The following EIF2B3 variants were observed in gnomAD, a reference collection of about 807,000 sequenced individuals.
The protein encoded by EIF2B3 is translation initiation factor eIF2B subunit gamma.
EIF2B3 carries 20 observed loss-of-function variants against 54.1 expected under a neutral mutation model. That is an observed-to-expected ratio of 0.37 (90% confidence interval 0.26 to 0.54). EIF2B3 has a LOEUF of 0.54. EIF2B3 is among the 20% of genes least tolerant of loss of function. EIF2B3 has a pLI of 0.86. For synonymous variants in EIF2B3, 153 were observed against 188.1 expected, an observed-to-expected ratio of 0.81 and a Z score of 1.52; for missense variants, 448 against 547.8, an observed-to-expected ratio of 0.82 and a Z score of 1.82.
intron 5 of EIF2B3, among the ~76,000 whole-genome samples, chr1:44,900,028 TGC>T (rs1470395350): frequency 6.6e-6 from 1 of 152,196 alleles, no homozygotes; most frequent in Admixed American, 6.5e-5. Context: ...TCATGTCCTT[TGC>T]AGCAACATGG....
At chr1:44,946,075 G>C (rs1246788683) in intron 3 of EIF2B3, among the ~76,000 whole-genome samples, 1 of 152,206 alleles carries the variant, frequency 6.6e-6, no homozygotes, top group Non-Finnish European at 1.5e-5. Flanking sequence ...ACAGGCTGTA[G>C]GCTCATTTCT....
rs998607931 is a variant in EIF2B3 at position 44,887,088 on chromosome 1, A to G, written c.657-5349T>C. On this transcript the variant is annotated intron_variant, in intron 6 of 11. Coordinates refer to ENST00000360403, the MANE Select transcript of EIF2B3 (RefSeq NM_020365.5). ...CTCTCTCTCAGATTTCAGAGCTCCA[A>G]GGATTTGTGTTTTGAGCTGTCCAAG... Among the ~76,000 whole-genome samples the G allele has an allele frequency of 1.8e-3, 267 of 152,266 alleles. 1 individual carries two copies. Among genetic ancestry groups the G allele is most frequent in the African/African-American group, 6.3e-3 (261 of 41,536 alleles).
At chr1:44,986,421 C>T (rs1462797530) in intron 1 of EIF2B3, 72 bp downstream of exon 1, 3 of 152,440 alleles carry the variant, frequency 2.0e-5, no homozygotes, top group Non-Finnish European at 2.9e-5. Flanking sequence ...CTCTCCTACC[C>T]CTTCGGGTCC....
chr1:44,914,552 A>T (rs1569707342), intron 5 of EIF2B3, among the ~76,000 whole-genome samples: 1 of 152,248 alleles, frequency 6.6e-6, no homozygotes, highest in Admixed American at 6.5e-5. Flanking sequence ...CTCAGCATAA[A>T]TGTTGTTTTT....
At position 44,880,641 on chromosome 1, in the gene EIF2B3, G is replaced by A. The variant is rs146557400; in HGVS notation, c.785-633C>T. On this transcript the variant is annotated intron_variant, in intron 7 of 11. Transcript: ENST00000360403. ...TTTTACTTTCTCATAAAAAAACTGG[G>A]GCTCAGAGGACTGAGTAACCTGCCT... Among the ~76,000 whole-genome samples the A allele has an allele frequency of 3.3e-5, 5 of 152,220 alleles. No homozygotes were observed. The East Asian group carries it at 9.6e-4, about 29-fold the overall frequency.
chr1:44,862,665 G>A lies in EIF2B3; in HGVS notation c.1203-4858C>T, dbSNP rs139407134. Among the ~76,000 whole-genome samples the A allele has an allele frequency of 6.4e-3, 977 of 152,202 alleles. 10 individuals carry two copies. The highest frequency in any genetic ancestry group is 8.4e-3 in the Non-Finnish European group (574 of 68,008). ...TTTTGAGATGGAGTCTCACACTGTC[G>A]CCCGGACTGGAGTGCAGTGGCGCGA... On this transcript the variant is annotated intron_variant, in intron 10 of 11. Coordinates refer to ENST00000360403, the MANE Select transcript of EIF2B3 (RefSeq NM_020365.5).
intron 3 of EIF2B3, among the ~76,000 whole-genome samples, chr1:44,955,819 T>C (rs1028991337): frequency 1.3e-5 from 2 of 152,204 alleles, no homozygotes; most frequent in Admixed American, 1.3e-4. Flanking sequence ...AGATACCATC[T>C]AATTTCAGTT....
Position 44,880,042 on chromosome 1 carries a change from G to C in EIF2B3, c.785-34C>G, listed in dbSNP as rs770699443. On this transcript the variant is annotated intron_variant, in intron 7 of 11. Transcript: ENST00000360403. ...CAAACACCCAACCAAGGAAATAAAT[G>C]AGAGAGAGATAACAGAACAGATACA... is the stretch of plus-strand genomic sequence containing the variant. The C allele has an allele frequency of 5.0e-6, 8 of 1,605,802 alleles. No homozygotes were observed. In the African/African-American group the frequency reaches 1.1e-4, roughly 21 times the overall value.
intron 5 of EIF2B3, among the ~76,000 whole-genome samples, chr1:44,909,920 G>C (rs1282453504): frequency 6.6e-6 from 1 of 152,204 alleles, no homozygotes; most frequent in Non-Finnish European, 1.5e-5. Flanking sequence ...CAGAAATACA[G>C]ATCTGGCCAT....
intron 3 of EIF2B3, among the ~76,000 whole-genome samples, chr1:44,944,494 C>CA (rs35092890): frequency 0.046 from 3,924 of 85,484 alleles, 149 homozygotes; most frequent in African/African-American, 0.13. Flanking sequence ...GATGCTGTCT[C>CA]AAAAAAAAAA....
At chr1:44,925,564 T>C (rs1643834675) in intron 5 of EIF2B3, among the ~76,000 whole-genome samples, 1 of 152,146 alleles carries the variant, frequency 6.6e-6, no homozygotes, top group African/African-American at 2.4e-5. Flanking sequence ...ATTTGCAAGA[T>C]GAAAGTTCTC....
In EIF2B3 at chr1:44,942,417, A is replaced by ATT. The variant is rs34978668; in HGVS notation, c.295-754_295-753dup. Among the ~76,000 whole-genome samples, 46 of 5,186 alleles carry ATT rather than the reference A, an allele frequency of 8.9e-3. 6 individuals carry two copies. Among genetic ancestry groups the ATT allele is most frequent in the Admixed American group, 0.017 (3 of 178 alleles). 3.4% of individuals were successfully genotyped at this position (5,186 alleles called of 152,430 possible). ...TATATATATATATATATATATATAT[A>ATT]TTTTTTTTTTTTTTTTTTTTTTTTT... On this transcript the variant is annotated intron_variant, in intron 3 of 11. Transcript: ENST00000360403.
chr1:44,977,804 C>T (rs1569885583), intron 3 of EIF2B3, among the ~76,000 whole-genome samples: 1 of 152,084 alleles, frequency 6.6e-6, no homozygotes, highest in Admixed American at 6.6e-5. Flanking sequence ...TGTGCTATTA[C>T]TCAAAAACAT....
chr1:44,926,319 G>GT (rs559666117), intron 5 of EIF2B3, among the ~76,000 whole-genome samples: 40 of 151,706 alleles, frequency 2.6e-4, no homozygotes, highest in Middle Eastern at 3.4e-3. Context: ...TATGTCATGT[G>GT]TTTTTTTTAC....
At chr1:44,894,814 T>C (rs903974906) in intron 6 of EIF2B3, among the ~76,000 whole-genome samples, 3 of 152,214 alleles carry the variant, frequency 2.0e-5, no homozygotes, top group Non-Finnish European at 4.4e-5. Flanking sequence ...ATGGTTTATG[T>C]TCACTTGCCA....
At chr1:44,908,943 G>C (rs1193106942) in intron 5 of EIF2B3, among the ~76,000 whole-genome samples, 1 of 152,180 alleles carries the variant, frequency 6.6e-6, no homozygotes, top group Non-Finnish European at 1.5e-5. Flanking sequence ...TGATGGTAGA[G>C]AACAGCTTCT....
At chr1:44,946,865 GAGCCC>G (rs1025296225) in intron 3 of EIF2B3, among the ~76,000 whole-genome samples, 48 of 152,042 alleles carry the variant, frequency 3.2e-4, no homozygotes, top group African/African-American at 9.4e-4. Context: ...CTAGTAACTG[GAGCCC>G]AGAGAGAGAA....
At chr1:44,875,823 C>T (rs1655109818) in intron 8 of EIF2B3, 128 bp from the exon 9 acceptor site, 6 of 774,900 alleles carry the variant, frequency 7.7e-6, no homozygotes, top group Non-Finnish European at 1.3e-5. Flanking sequence ...CACGGTCTCC[C>T]TCTGATGCCG....
At chr1:44,863,600 G>A (rs1177377573) in intron 10 of EIF2B3, among the ~76,000 whole-genome samples, 3 of 152,022 alleles carry the variant, frequency 2.0e-5, no homozygotes, top group African/African-American at 2.4e-5. Context: ...TATAAAGAAC[G>A]CCTGTGTATC....
Sources: allele counts gnomAD v4.1 joint callset (sites outside exome capture counted in the v4.1 genomes callset), GRCh38; gene constraint gnomAD v4.1.1; transcripts MANE v1.5; gene names NCBI Gene and HGNC (gene_info 2026-07-23, HGNC 2026-07-21).